ANKRD36: variants seen among roughly 807,000 people sequenced by gnomAD.
ANKRD36 encodes ankyrin repeat domain-containing protein 36A.
Under a neutral mutation model 278.1 loss-of-function variants are expected in ANKRD36, and 179 were observed. That is an observed-to-expected ratio of 0.64 (90% CI 0.57 to 0.73). ANKRD36 has a LOEUF of 0.73. Among genes scored for constraint, ANKRD36 ranks in the 30% least tolerant of loss-of-function variants. ANKRD36 has a pLI of 0.00. For synonymous variants in ANKRD36, 320 were observed against 641.1 expected (o/e 0.50, Z 7.57); for missense variants, 1,159 against 1,956.7 (o/e 0.59, Z 7.69).
intron 22 of ANKRD36, among the ~76,000 whole-genome samples, chr2:97,178,972 A>G (rs1177500916): frequency 6.6e-6 from 1 of 151,644 alleles, no homozygotes; most frequent in Non-Finnish European, 1.5e-5. Flanking sequence ...TTCCAGATGT[A>G]AAAGCTTATT....
chr2:97,210,143 A>T lies in ANKRD36; in HGVS notation c.3367+271A>T, dbSNP rs1357380197. Reference sequence around the variant, plus strand: ...CATAAGGGGCTCTGGGGAACAACATAATTTTACTTTAATTCTACAGCTTGT... The same window carrying T: ...CATAAGGGGCTCTGGGGAACAACATTATTTTACTTTAATTCTACAGCTTGT... On this transcript the variant is annotated intron_variant, in intron 56 of 75. Coordinates refer to ENST00000420699, the MANE Select transcript of ANKRD36 (RefSeq NM_001354587.1). 2.0e-5 allele frequency among the ~76,000 whole-genome samples: 3 copies of T among 151,948 alleles called. No homozygotes were observed. In the Middle Eastern group the frequency reaches 0.01, roughly 517 times the overall value.
At position 97,181,821 on chromosome 2, in the gene ANKRD36, A is replaced by G. The variant is rs367744623; in HGVS notation, c.1837+28A>G. The G allele has an allele frequency of 6.4e-4, 1,011 of 1,588,758 alleles. 10 individuals carry two copies. The East Asian group carries it at 0.014, about 22-fold the overall frequency. ...AATTTTGCAAAACACATTTAATGTC[A>G]TGTTCAGTCAAGATAGAAAAGTACT... On this transcript the variant is annotated intron_variant, in intron 26 of 75. Transcript: ENST00000420699.
At chr2:97,220,755 A>AT (rs2067293260) in intron 66 of ANKRD36, among the ~76,000 whole-genome samples, 2 of 66,890 alleles carry the variant, frequency 3.0e-5, no homozygotes, top group African/African-American at 1.9e-4. Context: ...TTTAATTTTT[A>AT]ATTTTCTTTT....
intron 3 of ANKRD36, among the ~76,000 whole-genome samples, chr2:97,121,490 A>AT (rs1454170484): frequency 6.6e-6 from 1 of 152,028 alleles, no homozygotes; most frequent in South Asian, 2.1e-4. Context: ...AATACAAAAA[A>AT]TTAGCTGGGT....
chr2:97,220,777 T>TTTTTTTTTTTTTTTTTTTTAA (rs2067368758), intron 66 of ANKRD36, among the ~76,000 whole-genome samples: 2 of 94,502 alleles, frequency 2.1e-5, no homozygotes, highest in Non-Finnish European at 1.9e-5. Flanking sequence ...TTTTTTTAAT[T>TTTTTTTTTTTTTTTTTTTTAA]TTTTTTTTTT....
At chr2:97,248,824 TGA>T (rs954559371) in intron 72 of ANKRD36, 2 of 401,880 alleles carry the variant, frequency 5.0e-6, no homozygotes, top group African/African-American at 2.2e-5. Flanking sequence ...CAGGGGTCTG[TGA>T]ACTTTTCTGT....
chr2:97,169,757 A>G (rs2153515110), intron 22 of ANKRD36, among the ~76,000 whole-genome samples: 1 of 152,394 alleles, frequency 6.6e-6, no homozygotes, highest in South Asian at 2.1e-4. Flanking sequence ...GAGAACTACA[A>G]ACCACTGCTC....
intron 32 of ANKRD36, among the ~76,000 whole-genome samples, chr2:97,187,705 G>A (rs1252804201): frequency 6.6e-6 from 1 of 151,774 alleles, no homozygotes; most frequent in Non-Finnish European, 1.5e-5. Flanking sequence ...TAATTCTACA[G>A]CATGGTTTCA....
intron 6 of ANKRD36, among the ~76,000 whole-genome samples, chr2:97,137,627 T>A (rs1018141898): frequency 1.3e-5 from 2 of 151,904 alleles, no homozygotes; most frequent in African/African-American, 2.4e-5. Flanking sequence ...TGCCCAGTAA[T>A]GGGATTACTG....
At chr2:97,181,880 T>A in intron 26 of ANKRD36, 87 bp downstream of exon 26, 1 of 1,054,118 alleles carries the variant, frequency 9.5e-7, no homozygotes, top group Non-Finnish European at 1.5e-6. Flanking sequence ...GGGGATTCAT[T>A]GAAGCTGCAC....
intron 66 of ANKRD36, among the ~76,000 whole-genome samples, chr2:97,221,682 T>G (rs2067732365): frequency 1.3e-5 from 2 of 150,898 alleles, no homozygotes; most frequent in South Asian, 4.2e-4. Context: ...ATATTAGCCC[T>G]TTGTCAGATG....
intron 26 of ANKRD36, among the ~76,000 whole-genome samples, chr2:97,182,733 A>G (rs1194917535): frequency 6.6e-6 from 1 of 151,406 alleles, no homozygotes; most frequent in Non-Finnish European, 1.5e-5. Context: ...TTTATTTTGT[A>G]TAAGTATGTC....
intron 36 of ANKRD36, among the ~76,000 whole-genome samples, chr2:97,191,527 T>A (rs2058512938): frequency 6.6e-6 from 1 of 151,614 alleles, no homozygotes; most frequent in Non-Finnish European, 1.5e-5. Context: ...TTTACAAACG[T>A]CACATCGTAC....
intron 67 of ANKRD36, among the ~76,000 whole-genome samples, chr2:97,225,684 T>C (rs549001101): frequency 2.0e-5 from 3 of 152,166 alleles, no homozygotes; most frequent in East Asian, 2.0e-4. Context: ...TGCAGGTTAG[T>C]TACATATGTA....
At chr2:97,217,268 G>A in intron 63 of ANKRD36, 32 bp from the exon 64 acceptor site, 1 of 1,547,700 alleles carries the variant, frequency 6.5e-7, no homozygotes, top group Non-Finnish European at 8.7e-7. Context: ...TATATATTAT[G>A]TATTGACTAT....
chr2:97,225,172 T>C (rs1414737920), intron 67 of ANKRD36, among the ~76,000 whole-genome samples: 16 of 151,528 alleles, frequency 1.1e-4, no homozygotes, highest in African/African-American at 3.9e-4. Context: ...ACATCAAATA[T>C]TGAATTACAA....
chr2:97,149,280 C>T lies in ANKRD36; in HGVS notation c.1035-15C>T, dbSNP rs938263015. On this transcript the variant is annotated splice_polypyrimidine_tract_variant and intron_variant, in intron 11 of 75. Transcript: ENST00000420699. ...ATGAATGAGCTCATTTTTGTAATAT[C>T]TTTTTGCTCTGTAGGAGTCTCTACA... The T allele has an allele frequency of 1.3e-6, 2 of 1,531,336 alleles. No homozygotes were observed. Among genetic ancestry groups the T allele is most frequent in the East Asian group, 2.5e-5 (1 of 40,382 alleles). The allele number at this position is 1,531,336 out of a possible 1,614,324, so 94.9% of individuals were successfully genotyped here.
At chr2:97,207,057 A>G (rs987874244) in intron 52 of ANKRD36, among the ~76,000 whole-genome samples, 4 of 151,598 alleles carry the variant, frequency 2.6e-5, no homozygotes, top group Non-Finnish European at 4.4e-5. Flanking sequence ...AAACTGATCA[A>G]TATCTAATGC....
intron 16 of ANKRD36, among the ~76,000 whole-genome samples, 192 bp downstream of exon 16, chr2:97,158,359 C>G (rs1007421254): frequency 3.3e-5 from 5 of 152,292 alleles, no homozygotes; most frequent in African/African-American, 1.2e-4. Flanking sequence ...TCCTGAGTAG[C>G]TGGGATTACA....
Sources: gnomAD v4.1 joint callset for allele counts (sites outside exome capture counted in the v4.1 genomes callset) on GRCh38, gnomAD v4.1.1 for gene constraint, MANE v1.5 for transcripts, NCBI Gene and HGNC (gene_info 2026-07-23, HGNC 2026-07-21) for gene names.